Variants in PHF12 observed in about 807,000 individuals in gnomAD.
PHF12 encodes the protein PHD finger protein 12, also known as PHD factor 1.
Under a neutral mutation model 99.8 loss-of-function variants are expected in PHF12, and 6 were observed. The ratio of observed to expected loss-of-function variants is 0.06; its 90% CI spans 0.03 to 0.12. The LOEUF (loss-of-function observed/expected upper bound fraction) is 0.12, where lower values mean the gene tolerates loss of function less well. PHF12 is among the 10% of genes least tolerant of loss of function. The pLI, the probability that PHF12 is intolerant of heterozygous loss-of-function variation, is 1.00. For synonymous variants in PHF12, 480 were observed against 514.9 expected (o/e 0.93, Z 0.92); for missense variants, 954 against 1,300.1 (o/e 0.73, Z 4.09).
intron 6 of PHF12, among the ~76,000 whole-genome samples, chr17:28,918,632 T>C (rs1284530926): frequency 6.6e-6 from 1 of 152,250 alleles, no homozygotes; most frequent in Non-Finnish European, 1.5e-5. Flanking sequence ...CTGTTCTAAC[T>C]GCCTATAAAG....
intron 9 of PHF12, 173 bp downstream of exon 9, chr17:28,912,309 C>T (rs1471092018): frequency 9.4e-6 from 13 of 1,390,222 alleles, no homozygotes; most frequent in Middle Eastern, 2.2e-4. Context: ...CATTTATAAA[C>T]GGGACAAGTT....
chr17:28,912,249 A>G, intron 9 of PHF12: 1 of 1,323,802 alleles, frequency 7.6e-7, no homozygotes, highest in East Asian at 2.9e-5. Flanking sequence ...CCACTGACTC[A>G]GTAGGTCATT....
intron 2 of PHF12, among the ~76,000 whole-genome samples, chr17:28,942,268 A>C (rs2040631084): frequency 6.6e-6 from 1 of 152,196 alleles, no homozygotes; most frequent in South Asian, 2.1e-4. Context: ...CTAAAAAATA[A>C]AAAATAGAGG....
chr17:28,918,974 T>A (rs573245630), intron 6 of PHF12, among the ~76,000 whole-genome samples, 169 bp downstream of exon 6: 8 of 152,334 alleles, frequency 5.3e-5, no homozygotes, highest in Admixed American at 2.0e-4. Flanking sequence ...AGAAAAAGCA[T>A]AGCTGAAATA....
At chr17:28,911,774 G>GAAATCACAATCATCT (rs2039965010) in intron 9 of PHF12, among the ~76,000 whole-genome samples, 1 of 152,152 alleles carries the variant, frequency 6.6e-6, no homozygotes, top group South Asian at 2.1e-4. Flanking sequence ...AGACCACAGA[G>GAAATCACAATCATCT]GGTTCCGGCA....
At chr17:28,914,833 C>T (rs545828067) in intron 7 of PHF12, among the ~76,000 whole-genome samples, 1 of 152,258 alleles carries the variant, frequency 6.6e-6, no homozygotes, top group East Asian at 1.9e-4. Context: ...CTCTGAATCA[C>T]ACCATGTAAG....
At chr17:28,911,812 G>A (rs2039966106) in intron 9 of PHF12, among the ~76,000 whole-genome samples, 1 of 152,148 alleles carries the variant, frequency 6.6e-6, no homozygotes, top group South Asian at 2.1e-4. Flanking sequence ...CAGATGCTGG[G>A]GTCAGCAACT....
intron 5 of PHF12, 139 bp from the exon 6 acceptor site, chr17:28,919,414 A>G: frequency 1.0e-6 from 1 of 988,252 alleles, no homozygotes; most frequent in Admixed American, 2.5e-5. Flanking sequence ...ATCTTCCTCC[A>G]GTGATTCAGT....
rs8066347 is a variant in PHF12 at position 28,917,455 on chromosome 17, G to A, written c.970-6C>T. 276,368 of 1,596,246 alleles carry A rather than the reference G, an allele frequency of 0.17. 25,183 individuals are homozygous for A. The highest frequency in any genetic ancestry group is 0.27 in the South Asian group (23,969 of 88,002). ...GTCATATTCTTCTGGTTCAGCTAGG[G>A]ACAAAGCAGACACAACCTTGTGGTG... On this transcript the variant is annotated splice_polypyrimidine_tract_variant and splice_region_variant and intron_variant, in intron 6 of 14. Transcript: ENST00000332830.
In PHF12 at chr17:28,951,031, G is replaced by A. The variant is rs1002399356; in HGVS notation, c.-71C>T. ...CCCCGGGGGGAGGGGGGAGGTGAGGGGAGGGGGCGCTCCTGACCCCGGCCC... is the reference window on the plus strand; with the variant it reads ...CCCCGGGGGGAGGGGGGAGGTGAGGAGAGGGGGCGCTCCTGACCCCGGCCC... On this transcript the variant is annotated 5_prime_UTR_variant, in exon 1 of 15. Transcript: ENST00000332830. The A allele has an allele frequency of 4.9e-5, 78 of 1,606,244 alleles. No individual in the cohort carries two copies. In the South Asian group the frequency reaches 7.1e-4, roughly 15 times the overall value.
chr17:28,924,298 C>T lies in PHF12; in HGVS notation c.326G>A (p.Arg109Gln), dbSNP rs764535351. 106 of 1,614,042 alleles carry T rather than the reference C, an allele frequency of 6.6e-5. No homozygotes were observed. The highest frequency in any genetic ancestry group is 8.4e-5 in the Non-Finnish European group (99 of 1,180,052). ...CHRCTVRRKK[R>Q]EQKKELGHVN... ...ATGACCCAGCTCCTTTTTCTGCTCT[C>T]GTTTCTGTGCAAATGAACAGGTGGG... The change falls in exon 4 of 15, where the codon CGA (arginine) becomes CAA (glutamine). Residue 109 changes from arginine (R) to glutamine (Q), a missense_variant. Coordinates refer to ENST00000332830, the MANE Select transcript of PHF12 (RefSeq NM_001033561.2).
intron 2 of PHF12, among the ~76,000 whole-genome samples, chr17:28,939,833 CT>C (rs1351245878): frequency 6.6e-6 from 1 of 152,206 alleles, no homozygotes; most frequent in Admixed American, 6.5e-5. Flanking sequence ...AGAGGTTCCC[CT>C]ATCCCTGCCT....
chr17:28,922,416 A>C (rs1249238058), intron 4 of PHF12, among the ~76,000 whole-genome samples: 2 of 152,086 alleles, frequency 1.3e-5, no homozygotes, highest in Non-Finnish European at 2.9e-5. Flanking sequence ...AAAATCAGAG[A>C]AGCTTTGATT....
intron 2 of PHF12, among the ~76,000 whole-genome samples, chr17:28,928,883 G>A (rs1432718253): frequency 3.3e-5 from 5 of 151,914 alleles, no homozygotes; most frequent in South Asian, 4.2e-4. Flanking sequence ...AGAACACGAC[G>A]TCAGGAGTTT....
intron 12 of PHF12, chr17:28,907,988 A>G (rs963581134): frequency 1.3e-5 from 3 of 229,310 alleles, no homozygotes; most frequent in African/African-American, 2.3e-5. Context: ...CAGAGCCTAG[A>G]AAATCTTATC....
intron 5 of PHF12, 27 bp from the exon 6 acceptor site, chr17:28,919,302 C>T (rs574435530): frequency 3.0e-5 from 49 of 1,607,360 alleles, no homozygotes; most frequent in Admixed American, 2.9e-4. Flanking sequence ...TTGGCCATTT[C>T]TGTGGCAAGA....
intron 5 of PHF12, among the ~76,000 whole-genome samples, chr17:28,920,806 C>A (rs1469176512): frequency 6.6e-6 from 1 of 152,192 alleles, no homozygotes; most frequent in East Asian, 1.9e-4. Flanking sequence ...CATGATCTGC[C>A]CGCCTCGGCC....
Position 28,921,817 on chromosome 17 carries a change from G to A in PHF12, c.716-9C>T. 6.2e-7 allele frequency: 1 copy of A among 1,613,918 alleles called. No homozygotes were observed. Among genetic ancestry groups the A allele is most frequent in the Non-Finnish European group, 8.5e-7 (1 of 1,179,966 alleles). ...TCTCCTCTTGCTAGAACCTAGAAAA[G>A]AAAATGATGGTGCTGAGCTATCCCT... is the stretch of plus-strand genomic sequence containing the variant. On this transcript the variant is annotated splice_polypyrimidine_tract_variant and intron_variant, in intron 4 of 14. Transcript: ENST00000332830.
chr17:28,916,609 A>T (rs1254200712), intron 7 of PHF12, among the ~76,000 whole-genome samples: 1 of 152,246 alleles, frequency 6.6e-6, no homozygotes, highest in East Asian at 1.9e-4. Context: ...ACAAGTTTAT[A>T]TATGGGTATA....
Sources: allele counts gnomAD v4.1 joint callset (sites outside exome capture counted in the v4.1 genomes callset), GRCh38; gene constraint gnomAD v4.1.1; transcripts MANE v1.5; gene names NCBI Gene and HGNC (gene_info 2026-07-23, HGNC 2026-07-21).